Variants in KIFAP3 observed in about 807,000 individuals in gnomAD.
KIFAP3 encodes kinesin-associated protein 3.
A neutral mutation model predicts 106.5 loss-of-function variants in KIFAP3; 68 were observed. That is an observed-to-expected ratio of 0.64 (90% CI 0.53 to 0.78). The LOEUF (loss-of-function observed/expected upper bound fraction) is 0.78. Ranked by LOEUF, KIFAP3 falls within the 30% of genes least tolerant of loss-of-function variation. The probability of loss-of-function intolerance (pLI) is 0.00; values close to 1 mark genes in which losing one functional copy is unlikely to be tolerated. For synonymous variants in KIFAP3, 320 were observed against 311.5 expected, an observed-to-expected ratio of 1.03 and a Z score of -0.29; for missense variants, 780 against 941.8, an observed-to-expected ratio of 0.83 and a Z score of 2.25.
intron 11 of KIFAP3, chr1:169,990,193 G>GTGTATT: frequency 3.7e-6 from 5 of 1,347,660 alleles, no homozygotes; most frequent in Non-Finnish European, 5.0e-6. Context: ...ATGTTTAGAG[G>GTGTATT]TGAGTGTATT....
At chr1:170,085,021 A>C (rs570012446) in intron 1 of KIFAP3, 2 of 152,230 alleles carry the variant, frequency 1.3e-5, no homozygotes, top group Non-Finnish European at 2.9e-5. Flanking sequence ...CAGTACATAG[A>C]AAATCTTTCT....
chr1:170,020,435 G>C (rs1668749891), intron 9 of KIFAP3, among the ~76,000 whole-genome samples: 1 of 151,992 alleles, frequency 6.6e-6, no homozygotes, highest in African/African-American at 2.4e-5. Context: ...AGAAATAGAG[G>C]CAAACATATA....
At chr1:170,075,618 A>T (rs1671885893), upstream of KIFAP3, among the ~76,000 whole-genome samples, 1 of 152,234 alleles carries the variant, frequency 6.6e-6, no homozygotes, top group Non-Finnish European at 1.5e-5. Flanking sequence ...TATTAAATAT[A>T]GAAATACAGT....
upstream of KIFAP3, among the ~76,000 whole-genome samples, chr1:170,078,101 A>C (rs1671953470): frequency 1.3e-5 from 2 of 152,188 alleles, no homozygotes; most frequent in African/African-American, 4.8e-5. Context: ...TAAATATATG[A>C]ATGACTGTAC....
At chr1:170,059,861 T>C (rs1335793840) in intron 1 of KIFAP3, among the ~76,000 whole-genome samples, 5 of 152,132 alleles carry the variant, frequency 3.3e-5, no homozygotes, top group Admixed American at 2.0e-4. Context: ...GCTGGTTCAA[T>C]ATATGCAAAT....
chr1:170,043,685 T>C (rs1265356648), intron 3 of KIFAP3, among the ~76,000 whole-genome samples: 2 of 152,066 alleles, frequency 1.3e-5, no homozygotes, highest in Non-Finnish European at 2.9e-5. Flanking sequence ...TTTTAACAGT[T>C]ATCAAGAAAT....
intron 19 of KIFAP3, among the ~76,000 whole-genome samples, chr1:169,922,267 C>T (rs1334207714): frequency 6.6e-6 from 1 of 151,384 alleles, no homozygotes; most frequent in Non-Finnish European, 1.5e-5. Context: ...AACTCTCATG[C>T]AGGGCCAAAT....
chr1:169,978,862 A>C (rs1666366550), intron 15 of KIFAP3, among the ~76,000 whole-genome samples: 1 of 152,036 alleles, frequency 6.6e-6, no homozygotes, highest in African/African-American at 2.4e-5. Context: ...GTGTAGAATA[A>C]ATTGTGGGTC....
intron 2 of KIFAP3, among the ~76,000 whole-genome samples, chr1:170,051,072 T>C (rs1194977933): frequency 1.3e-5 from 2 of 151,844 alleles, no homozygotes; most frequent in African/African-American, 2.4e-5. Context: ...TCAAGACCCA[T>C]TGGTGTGCTG....
intron 1 of KIFAP3, among the ~76,000 whole-genome samples, chr1:170,082,887 C>T (rs749009912): frequency 5.9e-5 from 9 of 152,030 alleles, no homozygotes; most frequent in Non-Finnish European, 1.2e-4. Context: ...GCATGAGAAT[C>T]GCCTGAACCC....
rs996944667 is a variant in KIFAP3, at chr1:170,016,582, A to C, written c.1063T>G (p.Cys355Gly). 1 of 1,600,678 alleles carries C rather than the reference A, an allele frequency of 6.2e-7. No individual in the cohort carries two copies. Among genetic ancestry groups the C allele is most frequent in the African/African-American group, 1.4e-5 (1 of 74,062 alleles). ...IVEKLVKMIPCEHEDLLNITL... is the reference protein window; with the variant it reads ...IVEKLVKMIPGEHEDLLNITL... ...ATATTCAGCAGGTCTTCATGCTCAC[A>C]AGGTATCATTTTCACCAGTTTTTCA... Residue 355 changes from cysteine to glycine, a missense_variant, in exon 10 of 20, where the codon TGT becomes GGT. Transcript: ENST00000361580.
chr1:170,030,806 G>A (rs1421587641), intron 8 of KIFAP3, among the ~76,000 whole-genome samples: 2 of 151,810 alleles, frequency 1.3e-5, no homozygotes, highest in Admixed American at 1.3e-4. Context: ...AAGGAAGAAG[G>A]AAAGGGAGAG....
chr1:170,024,345 T>C, intron 9 of KIFAP3, 73 bp downstream of exon 9: 1 of 966,950 alleles, frequency 1.0e-6, no homozygotes, highest in African/African-American at 1.7e-5. Flanking sequence ...ATAAAGTGTT[T>C]AATTTTTTTC....
chr1:170,043,276 C>T (rs1405132443), intron 3 of KIFAP3, among the ~76,000 whole-genome samples: 4 of 152,164 alleles, frequency 2.6e-5, no homozygotes, highest in East Asian at 3.9e-4. Flanking sequence ...TGTTTGGGTT[C>T]GTACGGTACC....
chr1:170,080,610 T>C (rs1672005188), intron 1 of KIFAP3, among the ~76,000 whole-genome samples: 1 of 152,132 alleles, frequency 6.6e-6, no homozygotes. Context: ...GACTCACTTA[T>C]GGTTCAGTTA....
chr1:170,000,944 C>T (rs1194970454), intron 10 of KIFAP3, among the ~76,000 whole-genome samples: 1 of 151,908 alleles, frequency 6.6e-6, no homozygotes, highest in Non-Finnish European at 1.5e-5. Context: ...TTTTTATGTC[C>T]AATTATTTAA....
At chr1:170,014,809 T>C (rs1268475608) in intron 10 of KIFAP3, among the ~76,000 whole-genome samples, 1 of 152,188 alleles carries the variant, frequency 6.6e-6, no homozygotes, top group Non-Finnish European at 1.5e-5. Context: ...ACGATGATGA[T>C]GTTGATTAGA....
At chr1:170,048,974 G>C (rs1670426836) in intron 2 of KIFAP3, among the ~76,000 whole-genome samples, 1 of 152,222 alleles carries the variant, frequency 6.6e-6, no homozygotes, top group Admixed American at 6.5e-5. Flanking sequence ...CAGTGAGACA[G>C]AACTGTTCAC....
upstream of KIFAP3, chr1:170,074,725 C>T: frequency 7.3e-7 from 1 of 1,366,336 alleles, no homozygotes; most frequent in Non-Finnish European, 9.5e-7. Context: ...CATGCGCTTG[C>T]TCTGCACCTC....
Sources: allele counts gnomAD v4.1 joint callset (sites outside exome capture counted in the v4.1 genomes callset), GRCh38; gene constraint gnomAD v4.1.1; transcripts MANE v1.5; gene names NCBI Gene and HGNC (gene_info 2026-07-23, HGNC 2026-07-21).